Variants in AGPAT3 observed in about 807,000 individuals in gnomAD.
The protein encoded by AGPAT3 is 1-acyl-sn-glycerol-3-phosphate acyltransferase gamma.
AGPAT3 carries 5 observed loss-of-function variants against 47.3 expected under a neutral mutation model. That is an observed-to-expected ratio of 0.11 (90% CI 0.06 to 0.22). The LOEUF is 0.22. AGPAT3 is among the 10% of genes least tolerant of loss of function. The probability of loss-of-function intolerance (pLI) is 1.00; values close to 1 mark genes in which losing one functional copy is unlikely to be tolerated. For synonymous variants in AGPAT3, 212 were observed against 208.3 expected (o/e 1.02, Z -0.15); for missense variants, 315 against 493.0 (o/e 0.64, Z 3.42).
intron 1 of AGPAT3, among the ~76,000 whole-genome samples, chr21:43,878,778 A>G (rs1051578481): frequency 6.8e-6 from 1 of 147,450 alleles, no homozygotes; most frequent in African/African-American, 2.6e-5. Flanking sequence ...TCTGTTGCCC[A>G]GACGGGAGTG....
rs1316527193 is a variant in AGPAT3 at position 43,986,042 on chromosome 21, T to TGGCTCTGCCCC, written c.*3651_*3661dup. On this transcript the variant is annotated 3_prime_UTR_variant, in exon 10 of 10. Transcript: ENST00000291572. ...GCCGGCCACACCCCTGACTCCGCCC[T>TGGCTCTGCCCC]GGCTCTGCCCCATACCCCTGCCGTG... The TGGCTCTGCCCC allele has an allele frequency of 3.9e-5, 6 of 152,298 alleles. No homozygotes were observed. The highest frequency in any genetic ancestry group is 1.4e-4 in the African/African-American group (6 of 41,466). 9.4% of individuals were successfully genotyped at this position (152,298 alleles called of 1,614,324 possible).
chr21:43,979,335 G>GA (rs66531037), intron 8 of AGPAT3, among the ~76,000 whole-genome samples: 53 of 136,616 alleles, frequency 3.9e-4, no homozygotes, highest in Middle Eastern at 3.7e-3. Flanking sequence ...AAAAAAGAAA[G>GA]AAAAAAAAAA....
intron 1 of AGPAT3, among the ~76,000 whole-genome samples, chr21:43,891,187 A>C (rs952765835): frequency 6.6e-6 from 1 of 152,210 alleles, no homozygotes; most frequent in African/African-American, 2.4e-5. Flanking sequence ...ACTTCTTTCC[A>C]AATTGGAGTC....
At position 43,968,082 on chromosome 21, in the gene AGPAT3, G is replaced by T. The variant is rs764574988; in HGVS notation, c.315G>T (p.Gly105=). 6.2e-7 allele frequency: 1 copy of T among 1,613,890 alleles called. No homozygotes were observed. The highest frequency in any genetic ancestry group is 1.1e-5 in the South Asian group (1 of 91,036). Residue 105 remains glycine, a synonymous_variant, in exon 4 of 10, where the codon GGG becomes GGT. Coordinates refer to ENST00000291572, the MANE Select transcript of AGPAT3 (RefSeq NM_020132.5). ...ACTTCGAGATCGACTTCCTCTGTGG[G>T]TGGACCATGTGTGAGCGCTTCGGAG... ...NHNFEIDFLC[G]WTMCERFGVL...
chr21:43,902,949 G>A (rs559869516), intron 1 of AGPAT3, among the ~76,000 whole-genome samples: 39 of 152,284 alleles, frequency 2.6e-4, no homozygotes, highest in African/African-American at 8.4e-4. Flanking sequence ...GCAGTGAGCG[G>A]TGATTGTGCC....
chr21:43,955,590 G>C lies in AGPAT3; in HGVS notation c.-48-4044G>C, dbSNP rs1024863082. Among the ~76,000 whole-genome samples the C allele has an allele frequency of 6.6e-6, 1 of 151,792 alleles. No homozygotes were observed. Among genetic ancestry groups the C allele is most frequent in the Non-Finnish European group, 1.5e-5 (1 of 67,946 alleles). On this transcript the variant is annotated intron_variant, in intron 2 of 9. Transcript: ENST00000291572. The surrounding 1 kb of genome is among the most constrained non-coding windows in gnomAD (Gnocchi z 4.1). ...ATTACAGGTGTGAGCCACCGCGCCC[G>C]GCTGAGAATCTGATTTTTAAAAATA...
intron 2 of AGPAT3, among the ~76,000 whole-genome samples, chr21:43,951,832 C>T (rs1274516614): frequency 3.3e-5 from 5 of 152,180 alleles, no homozygotes; most frequent in Non-Finnish European, 5.9e-5. Flanking sequence ...CCTGGTGGGC[C>T]TGGCAGCGGT....
intron 8 of AGPAT3, among the ~76,000 whole-genome samples, chr21:43,979,298 CAAAAA>C (rs540542305): frequency 1.7e-5 from 1 of 57,732 alleles, no homozygotes; most frequent in Admixed American, 2.2e-4. Flanking sequence ...GACTCCAACT[CAAAAA>C]AAAAAAAAAA....
intron 1 of AGPAT3, among the ~76,000 whole-genome samples, chr21:43,884,138 G>A (rs75933668): frequency 6.6e-6 from 1 of 152,104 alleles, no homozygotes; most frequent in Non-Finnish European, 1.5e-5. Flanking sequence ...GTCTCAGCTC[G>A]CAGGCCTTCC....
intron 2 of AGPAT3, among the ~76,000 whole-genome samples, chr21:43,937,344 G>A (rs2087482963): frequency 6.6e-6 from 1 of 152,236 alleles, no homozygotes; most frequent in Non-Finnish European, 1.5e-5. Context: ...AGCTGACCTA[G>A]GTGGGAAGCC....
Position 43,982,347 on chromosome 21 carries a change from A to T in AGPAT3, c.1086A>T (p.Glu362Asp). ...GACTGATAGGAGTAACTGAGATAGA[A>T]AAAGGCTCCAGCTACGGAAACCAAG... Reference protein sequence around the residue: ...VRRLIGVTEIEKGSSYGNQEF... With the variant: ...VRRLIGVTEIDKGSSYGNQEF... The change falls in exon 10 of 10, where the codon GAA (glutamate) becomes GAT (aspartate). Residue 362 changes from glutamate (E) to aspartate (D), a missense_variant. Glu to Asp is a conservative substitution (Grantham distance 45). Coordinates refer to ENST00000291572, the MANE Select transcript of AGPAT3 (RefSeq NM_020132.5). The surrounding 1 kb of genome is among the most constrained non-coding windows in gnomAD (Gnocchi z 6.2). 1 of 1,614,160 alleles carries T rather than the reference A, an allele frequency of 6.2e-7. No individual in the cohort carries two copies. The highest frequency in any genetic ancestry group is 8.5e-7 in the Non-Finnish European group (1 of 1,179,978).
In AGPAT3 at chr21:43,982,608, C is replaced by T. The variant is rs779097859; in HGVS notation, c.*216C>T. 9.8e-6 allele frequency: 4 copies of T among 407,908 alleles called. No individual in the cohort carries two copies. The highest frequency in any genetic ancestry group is 4.4e-5 in the Admixed American group (1 of 22,776). The allele number at this position is 407,908 out of a possible 1,614,324, so 25.3% of individuals were successfully genotyped here. A position where few individuals can be genotyped will look rare whatever the true frequency, so the allele number is the denominator to read the frequency against. Reference sequence around the variant, plus strand: ...CGCAGGGTCCCAGCATCTCCACGCGCGCCCGTGGGAGGTGGGTCCGGCCGG... The same window carrying T: ...CGCAGGGTCCCAGCATCTCCACGCGTGCCCGTGGGAGGTGGGTCCGGCCGG... On this transcript the variant is annotated 3_prime_UTR_variant, in exon 10 of 10. Coordinates refer to ENST00000291572, the MANE Select transcript of AGPAT3 (RefSeq NM_020132.5). The surrounding 1 kb of genome is among the most constrained non-coding windows in gnomAD (Gnocchi z 6.2).
intron 1 of AGPAT3, among the ~76,000 whole-genome samples, chr21:43,877,795 A>G (rs2085766895): frequency 6.6e-6 from 1 of 152,090 alleles, no homozygotes; most frequent in Admixed American, 6.6e-5. Flanking sequence ...CAGCAGGCCC[A>G]TTCCCATCGT....
At chr21:43,879,489 T>G (rs1408047486) in intron 1 of AGPAT3, among the ~76,000 whole-genome samples, 3 of 151,966 alleles carry the variant, frequency 2.0e-5, no homozygotes, top group Non-Finnish European at 4.4e-5. Context: ...TGTCTGGCTG[T>G]GCTGGAGGAG....
intron 7 of AGPAT3, among the ~76,000 whole-genome samples, chr21:43,977,421 G>C (rs182100306): frequency 1.3e-5 from 2 of 152,322 alleles, no homozygotes; most frequent in African/African-American, 4.8e-5. Context: ...GGGACCAGGG[G>C]CGTGGCCTGC....
At chr21:43,899,542 C>A (rs2086303728) in intron 1 of AGPAT3, among the ~76,000 whole-genome samples, 1 of 152,184 alleles carries the variant, frequency 6.6e-6, no homozygotes, top group African/African-American at 2.4e-5. Flanking sequence ...CCGGGACGCC[C>A]TTGCCCTTAC....
chr21:43,942,250 A>G (rs1301842309), intron 2 of AGPAT3, among the ~76,000 whole-genome samples: 1 of 152,046 alleles, frequency 6.6e-6, no homozygotes, highest in African/African-American at 2.4e-5. Flanking sequence ...TTGTGGGGAC[A>G]GAGACGTTGA....
intron 1 of AGPAT3, among the ~76,000 whole-genome samples, chr21:43,896,943 G>GTTTTTTTTTTTTTTTTTTTTTTTTTTTT (rs61657564): frequency 2.4e-5 from 1 of 42,322 alleles, no homozygotes; most frequent in Non-Finnish European, 4.4e-5. Context: ...TTGACAGTCC[G>GTTTTTTTTTTTTTTTTTTTTTTTTTTTT]TTTTTTTTTT....
rs1406079694 is a variant in AGPAT3 at position 43,955,256 on chromosome 21, T to C, written c.-48-4378T>C. The C allele has an allele frequency of 3.4e-6, 4 of 1,192,992 alleles. No homozygotes were observed. The highest frequency in any genetic ancestry group is 3.2e-6 in the Non-Finnish European group (3 of 933,704). 73.9% of individuals were successfully genotyped at this position (1,192,992 alleles called of 1,614,324 possible). On this transcript the variant is annotated intron_variant, in intron 2 of 9. Coordinates refer to ENST00000291572, the MANE Select transcript of AGPAT3 (RefSeq NM_020132.5). This position sits in a 1 kb window ranked among gnomAD's most constrained non-coding sequence, Gnocchi z 4.1. ...CCTCTAGAAAAGGTAAATTAACCTA[T>C]AGAGCTGGAAAGCTGACCTGCATTG...
Sources: allele counts gnomAD v4.1 joint callset (sites outside exome capture counted in the v4.1 genomes callset), GRCh38; gene constraint gnomAD v4.1.1; non-coding constraint Gnocchi (gnomAD v3.1); transcripts MANE v1.5; gene names NCBI Gene and HGNC (gene_info 2026-07-23, HGNC 2026-07-21).